EPB41L5: variants seen among roughly 807,000 people sequenced by gnomAD.
EPB41L5 encodes the protein erythrocyte membrane protein band 4.1 like 5.
A neutral mutation model predicts 106.6 loss-of-function variants in EPB41L5; 55 were observed. The ratio of observed to expected loss-of-function variants is 0.52; its 90% CI spans 0.42 to 0.65. The LOEUF (loss-of-function observed/expected upper bound fraction) is 0.65. Among genes scored for constraint, EPB41L5 ranks in the 30% least tolerant of loss-of-function variants. The probability of loss-of-function intolerance (pLI) is 0.00; values close to 1 mark genes in which losing one functional copy is unlikely to be tolerated. For missense variants in EPB41L5, 871 were observed against 882.1 expected (o/e 0.99, Z 0.16); for synonymous variants, 297 against 306.7 (o/e 0.97, Z 0.33).
intron 20 of EPB41L5, among the ~76,000 whole-genome samples, chr2:120,152,789 T>C (rs1355831436): frequency 1.3e-5 from 2 of 152,276 alleles, no homozygotes; most frequent in African/African-American, 2.4e-5. Flanking sequence ...TTGTTGTAAG[T>C]CTATTCAGAT....
intron 3 of EPB41L5, among the ~76,000 whole-genome samples, chr2:120,059,797 T>C (rs1680906344): frequency 6.6e-6 from 1 of 152,204 alleles, no homozygotes; most frequent in Non-Finnish European, 1.5e-5. Context: ...GCAGGAGGAT[T>C]GCTTAAGCCT....
chr2:120,161,981 G>A (rs1464765230), intron 21 of EPB41L5, among the ~76,000 whole-genome samples: 1 of 152,186 alleles, frequency 6.6e-6, no homozygotes, highest in Non-Finnish European at 1.5e-5. Flanking sequence ...GGGGACTGCT[G>A]CTCTAGGGAA....
chr2:120,037,868 C>G (rs1227964378), intron 2 of EPB41L5, among the ~76,000 whole-genome samples: 2 of 152,140 alleles, frequency 1.3e-5, no homozygotes, highest in African/African-American at 4.8e-5. Flanking sequence ...CAGACCTTTT[C>G]CTTATACCAT....
chr2:120,053,196 C>T (rs566184195), intron 3 of EPB41L5, among the ~76,000 whole-genome samples: 2 of 152,216 alleles, frequency 1.3e-5, no homozygotes, highest in East Asian at 3.9e-4. Flanking sequence ...TAAAGCACTC[C>T]TTTGACAGTT....
chr2:120,115,749 T>A (rs1684920489), intron 16 of EPB41L5, among the ~76,000 whole-genome samples: 1 of 152,178 alleles, frequency 6.6e-6, no homozygotes, highest in South Asian at 2.1e-4. Flanking sequence ...ATTAACATTT[T>A]ATGTTATGTT....
At chr2:120,082,287 A>G (rs918189983) in intron 10 of EPB41L5, among the ~76,000 whole-genome samples, 1 of 152,202 alleles carries the variant, frequency 6.6e-6, no homozygotes, top group Non-Finnish European at 1.5e-5. Flanking sequence ...ACATCCCATC[A>G]ATACCTAATT....
chr2:120,163,892 C>T (rs550384598), intron 21 of EPB41L5, among the ~76,000 whole-genome samples: 40 of 150,548 alleles, frequency 2.7e-4, no homozygotes, highest in African/African-American at 7.8e-4. Flanking sequence ...TTTGGGGCTG[C>T]GGTGAGTTAT....
chr2:120,023,338 C>T (rs1228822076), intron 2 of EPB41L5, among the ~76,000 whole-genome samples: 2 of 151,984 alleles, frequency 1.3e-5, no homozygotes, highest in African/African-American at 4.8e-5. Flanking sequence ...GTCTTTAATC[C>T]ATCTTGAGTT....
intron 18 of EPB41L5, 123 bp downstream of exon 18, chr2:120,131,838 T>C (rs552588882): frequency 1.5e-6 from 1 of 680,902 alleles, no homozygotes; most frequent in African/African-American, 1.8e-5. Context: ...TGAGTTCTTA[T>C]AAACCTGTTT....
Position 120,176,623 on chromosome 2 carries a change from G to C in EPB41L5, c.*1716G>C, listed in dbSNP as rs1369023000. ...ACAGCTTCTGAGTTTCACTGGTGGG[G>C]CTCTTGCCAGTTCTTAATTATAGGA... On this transcript the variant is annotated 3_prime_UTR_variant, in exon 25 of 25. Coordinates refer to ENST00000263713, the MANE Select transcript of EPB41L5 (RefSeq NM_020909.4). The C allele has an allele frequency of 3.3e-5, 5 of 152,214 alleles. No individual in the cohort carries two copies. The highest frequency in any genetic ancestry group is 7.3e-5 in the Non-Finnish European group (5 of 68,038). 9.4% of individuals were successfully genotyped at this position (152,214 alleles called of 1,614,324 possible).
In EPB41L5 at chr2:120,090,432, A is replaced by G. The variant is rs1683331027; in HGVS notation, c.959A>G (p.His320Arg). The G allele has an allele frequency of 1.2e-6, 2 of 1,613,862 alleles. No individual in the cohort carries two copies. Among genetic ancestry groups the G allele is most frequent in the Non-Finnish European group, 8.5e-7 (1 of 1,179,840 alleles). Residue 320 changes from histidine (H) to arginine (R), a missense_variant, in exon 12 of 25, where the codon CAT becomes CGT. Physicochemically the swap from His to Arg is conservative, Grantham distance 29. Coordinates refer to ENST00000263713, the MANE Select transcript of EPB41L5 (RefSeq NM_020909.4). ...KHLWKCAVEH[H>R]AFFRLRGPVQ... ...TTATGGAAATGTGCTGTGGAGCATCATGCTTTCTTCCGCCTTCGAGGCCCC... is the reference window on the plus strand; with the variant it reads ...TTATGGAAATGTGCTGTGGAGCATCGTGCTTTCTTCCGCCTTCGAGGCCCC...
chr2:120,049,648 A>G (rs1448889232), intron 3 of EPB41L5, among the ~76,000 whole-genome samples: 2 of 152,162 alleles, frequency 1.3e-5, no homozygotes, highest in Non-Finnish European at 2.9e-5. Flanking sequence ...TAATTGGAGC[A>G]TTTAGCCCAT....
At chr2:120,109,748 A>G (rs1007878397) in intron 16 of EPB41L5, among the ~76,000 whole-genome samples, 2 of 152,186 alleles carry the variant, frequency 1.3e-5, no homozygotes, top group Non-Finnish European at 2.9e-5. Context: ...TCTTTTGGCA[A>G]TTCCTCCATT....
chr2:120,138,878 C>T lies in EPB41L5; in HGVS notation c.1600-4125C>T, dbSNP rs148829999. On this transcript the variant is annotated intron_variant, in intron 18 of 24. Transcript: ENST00000263713. ...ACAAAAGACTCAGAATAGCCAAAGC[C>T]GTCCTGAGAAGAAAAAACGAAACTT... Among the ~76,000 whole-genome samples the T allele has an allele frequency of 1.1e-4, 17 of 151,790 alleles. No homozygotes were observed. The Middle Eastern group carries it at 0.017, about 152-fold the overall frequency.
intron 2 of EPB41L5, among the ~76,000 whole-genome samples, chr2:120,032,413 A>G (rs1463038876): frequency 6.6e-6 from 1 of 152,158 alleles, no homozygotes; most frequent in Non-Finnish European, 1.5e-5. Flanking sequence ...GATAGAGGAA[A>G]TAGGCTGTGA....
intron 20 of EPB41L5, among the ~76,000 whole-genome samples, chr2:120,148,144 A>G (rs1387482419): frequency 6.6e-6 from 1 of 152,068 alleles, no homozygotes; most frequent in Non-Finnish European, 1.5e-5. Context: ...GATTTAGATC[A>G]TTTTTCTTTC....
At chr2:120,098,915 T>C (rs1293171739) in intron 14 of EPB41L5, among the ~76,000 whole-genome samples, 1 of 152,234 alleles carries the variant, frequency 6.6e-6, no homozygotes, top group East Asian at 1.9e-4. Flanking sequence ...TTCCTCTTAG[T>C]AGAATGACAT....
chr2:120,047,447 A>C (rs1255288313), intron 3 of EPB41L5, among the ~76,000 whole-genome samples: 1 of 151,828 alleles, frequency 6.6e-6, no homozygotes, highest in Non-Finnish European at 1.5e-5. Context: ...TTCACTCATG[A>C]TTTGGCTCTC....
At position 120,158,436 on chromosome 2, in the gene EPB41L5, A is replaced by T. The variant is rs1290062078; in HGVS notation, c.1794-2445A>T. 6.6e-5 allele frequency among the ~76,000 whole-genome samples: 10 copies of T among 152,378 alleles called. No individual in the cohort carries two copies. The East Asian group carries it at 1.7e-3, about 26-fold the overall frequency. ...CTGGGATGCAAGGTTGGTTCAGCATATGAAAATCAATAAATGTGATTCATC... is the reference window on the plus strand; with the variant it reads ...CTGGGATGCAAGGTTGGTTCAGCATTTGAAAATCAATAAATGTGATTCATC... On this transcript the variant is annotated intron_variant, in intron 20 of 24. Coordinates refer to ENST00000263713, the MANE Select transcript of EPB41L5 (RefSeq NM_020909.4).
Sources: gnomAD v4.1 joint callset for allele counts (sites outside exome capture counted in the v4.1 genomes callset) on GRCh38, gnomAD v4.1.1 for gene constraint, MANE v1.5 for transcripts, NCBI Gene and HGNC (gene_info 2026-07-23, HGNC 2026-07-21) for gene names.